Variants in MYO1F observed in about 807,000 individuals in gnomAD.
MYO1F encodes unconventional myosin-If.
A neutral mutation model predicts 146.6 loss-of-function variants in MYO1F; 60 were observed. The observed-to-expected ratio is 0.41, with a 90% confidence interval of 0.33 to 0.51. MYO1F has a LOEUF of 0.51. MYO1F is among the 20% of genes least tolerant of loss of function. The pLI is 0.25. For missense variants in MYO1F, 1,274 were observed against 1,534.3 expected, an observed-to-expected ratio of 0.83 and a Z score of 2.83; for synonymous variants, 602 against 602.1, an observed-to-expected ratio of 1.00 and a Z score of 0.00.
chr19:8,533,390 T>C (rs1164745688), intron 19 of MYO1F, among the ~76,000 whole-genome samples: 1 of 148,000 alleles, frequency 6.8e-6, no homozygotes, highest in Middle Eastern at 3.3e-3. Flanking sequence ...AGTCTTGCTC[T>C]GTCGCTCAGG....
intron 1 of MYO1F, among the ~76,000 whole-genome samples, chr19:8,570,782 A>T (rs1355835068): frequency 6.6e-6 from 1 of 152,042 alleles, no homozygotes; most frequent in Non-Finnish European, 1.5e-5. Context: ...CGCTGGAATT[A>T]CAGGTGCAAG....
intron 1 of MYO1F, chr19:8,576,967 G>C: frequency 2.0e-6 from 1 of 498,208 alleles, no homozygotes. Flanking sequence ...GACTGGGCTG[G>C]ACTGGGAAAG....
chr19:8,567,139 G>A (rs1222254921), intron 1 of MYO1F, among the ~76,000 whole-genome samples: 1 of 145,044 alleles, frequency 6.9e-6, no homozygotes, highest in Non-Finnish European at 1.5e-5. Flanking sequence ...TTGGCTTACT[G>A]CAACCTCCGT....
intron 22 of MYO1F, 95 bp from the exon 23 acceptor site, chr19:8,527,030 G>T: frequency 6.5e-7 from 1 of 1,530,248 alleles, no homozygotes; most frequent in South Asian, 1.1e-5. Context: ...ATTTAGGGAA[G>T]GGTCAGCTAA....
chr19:8,554,862 A>G lies in MYO1F; in HGVS notation c.142-119T>C. On this transcript the variant is annotated intron_variant, in intron 2 of 27. Transcript: ENST00000644032. ...TTGCTTGGAGGTGGAAGAGATGGAG[A>G]TAATGGATGCACCTCGAGTCTCTTG... The G allele has an allele frequency of 8.5e-6, 8 of 943,480 alleles. No homozygotes were observed. The South Asian group carries it at 1.1e-4, about 13-fold the overall frequency. The allele number at this position is 943,480 out of a possible 1,614,324, so 58.4% of individuals were successfully genotyped here.
intron 19 of MYO1F, among the ~76,000 whole-genome samples, chr19:8,533,060 T>G (rs2145844196): frequency 6.6e-6 from 1 of 152,164 alleles, no homozygotes; most frequent in Non-Finnish European, 1.5e-5. Flanking sequence ...ACCAAAATAG[T>G]TTTAATTTTT....
chr19:8,560,803 A>G (rs1441480717), intron 1 of MYO1F, among the ~76,000 whole-genome samples: 4 of 145,236 alleles, frequency 2.8e-5, no homozygotes, highest in African/African-American at 1.0e-4. Flanking sequence ...CAGTGGCACG[A>G]TCTCGGCTCA....
At chr19:8,556,132 G>A (rs994688105) in intron 1 of MYO1F, among the ~76,000 whole-genome samples, 1 of 151,442 alleles carries the variant, frequency 6.6e-6, no homozygotes, top group South Asian at 2.1e-4. Context: ...GGGTTCAAGC[G>A]ATTCTCCTGC....
At chr19:8,549,970 T>G in intron 10 of MYO1F, 190 bp downstream of exon 10, 1 of 680,042 alleles carries the variant, frequency 1.5e-6, no homozygotes, top group South Asian at 1.7e-5. Flanking sequence ...CCAACTAATT[T>G]GAAATTTCTG....
intron 25 of MYO1F, among the ~76,000 whole-genome samples, chr19:8,523,087 A>G (rs1972126704): frequency 1.3e-5 from 2 of 150,832 alleles, no homozygotes; most frequent in South Asian, 4.2e-4. Context: ...GCTGGAGTGC[A>G]GTGGCGCGAT....
At position 8,525,660 on chromosome 19, in the gene MYO1F, C is replaced by T. The variant is rs527280948; in HGVS notation, c.2771-98G>A. 2.8e-5 allele frequency: 28 copies of T among 999,904 alleles called. No homozygotes were observed. In the Admixed American group the frequency reaches 5.0e-4, roughly 18 times the overall value. The allele number at this position is 999,904 out of a possible 1,614,324, so 61.9% of individuals were successfully genotyped here. On this transcript the variant is annotated intron_variant, in intron 24 of 27. Coordinates refer to ENST00000644032, the MANE Select transcript of MYO1F (RefSeq NM_012335.4). ...TTCTGAGGCTCCGCCGCACCCCGCC[C>T]CCTCAGGCTCTCCCATTAGCACCGC...
chr19:8,553,581 C>T, intron 4 of MYO1F, 144 bp from the exon 5 acceptor site: 2 of 713,460 alleles, frequency 2.8e-6, no homozygotes, highest in East Asian at 2.7e-5. Context: ...CAGATAAAAT[C>T]TCTGCTCTCA....
chr19:8,528,383 C>T (rs1340469099), intron 21 of MYO1F, among the ~76,000 whole-genome samples: 1 of 151,900 alleles, frequency 6.6e-6, no homozygotes, highest in Non-Finnish European at 1.5e-5. Flanking sequence ...AAAAAACTAG[C>T]TGGGCGTGGT....
chr19:8,560,600 G>A (rs938273475), intron 1 of MYO1F, among the ~76,000 whole-genome samples: 2 of 151,938 alleles, frequency 1.3e-5, no homozygotes, highest in African/African-American at 2.4e-5. Context: ...TTTGAGACAG[G>A]GTCTCACTCT....
rs201640620 is a variant in MYO1F at position 8,522,444 on chromosome 19, C to G, written c.3153G>C (p.Gln1051His). The part of the protein sequence containing the change: ...THGPRCRALY[Q>H]YVGQDVDELS... ...GCTCGTCCACATCTTGGCCCACGTA[C>G]TGGTATAGGGCCCGGCACCTGGGAC... Residue 1051 changes from glutamine to histidine, a missense_variant, in exon 27 of 28, where the codon CAG becomes CAC. This residue lies in a region of MYO1F where 374 missense variants were observed against 379.2 expected (regional missense o/e 0.99). Coordinates refer to ENST00000644032, the MANE Select transcript of MYO1F (RefSeq NM_012335.4). 266 of 1,614,088 alleles carry G rather than the reference C, an allele frequency of 1.6e-4. No individual in the cohort carries two copies. Among genetic ancestry groups the G allele is most frequent in the Non-Finnish European group, 2.2e-4 (257 of 1,180,048 alleles).
chr19:8,552,654 T>C (rs1435040059), intron 6 of MYO1F, among the ~76,000 whole-genome samples: 1 of 152,092 alleles, frequency 6.6e-6, no homozygotes, highest in Non-Finnish European at 1.5e-5. Context: ...CACCATTTTA[T>C]GGATGAGCAA....
chr19:8,572,820 C>T (rs2042135533), intron 1 of MYO1F, among the ~76,000 whole-genome samples: 1 of 152,134 alleles, frequency 6.6e-6, no homozygotes, highest in Non-Finnish European at 1.5e-5. Context: ...CTCAGCTTCC[C>T]AATTAGCTGG....
At chr19:8,522,008 A>G (rs1972076151) in intron 27 of MYO1F, among the ~76,000 whole-genome samples, 1 of 146,410 alleles carries the variant, frequency 6.8e-6, no homozygotes, top group South Asian at 2.1e-4. Flanking sequence ...CTGCCTGGCA[A>G]TGTCAGTCAG....
intron 4 of MYO1F, among the ~76,000 whole-genome samples, chr19:8,553,916 T>TCTCTCG (rs1555726921): frequency 7.1e-6 from 1 of 141,444 alleles, no homozygotes; most frequent in Non-Finnish European, 1.6e-5. Flanking sequence ...TCTCTCTCTC[T>TCTCTCG]CTCTCTCGCT....
Sources: allele counts gnomAD v4.1 joint callset (sites outside exome capture counted in the v4.1 genomes callset), GRCh38; gene constraint gnomAD v4.1.1; regional missense constraint gnomAD v4.1.1; transcripts MANE v1.5; gene names NCBI Gene and HGNC (gene_info 2026-07-23, HGNC 2026-07-21).